Variants in CCR5AS observed in about 807,000 individuals in gnomAD.
CCR5AS encodes CCR5 antisense RNA.
At chr3:46,390,180 T>A (rs1430030385) in intron 2 of CCR5AS, among the ~76,000 whole-genome samples, 1 of 152,080 alleles carries the variant, frequency 6.6e-6, no homozygotes, top group East Asian at 1.9e-4. Context: ...GACTGGTGGG[T>A]GTCAGAGTCA....
chr3:46,395,847 G>C (rs1422074579), intron 1 of CCR5AS, among the ~76,000 whole-genome samples: 1 of 152,148 alleles, frequency 6.6e-6, no homozygotes, highest in Non-Finnish European at 1.5e-5. Flanking sequence ...ATAGGGAAGG[G>C]GCCCTTTCCA....
intron 2 of CCR5AS, among the ~76,000 whole-genome samples, chr3:46,390,830 C>T (rs750772531): frequency 1.3e-5 from 2 of 152,022 alleles, no homozygotes; most frequent in South Asian, 2.1e-4. Context: ...GAGTTTTAAG[C>T]GGTTTAGAAG....
At chr3:46,400,635 G>A (rs997488009) in intron 1 of CCR5AS, among the ~76,000 whole-genome samples, 1 of 152,204 alleles carries the variant, frequency 6.6e-6, no homozygotes, top group Non-Finnish European at 1.5e-5. Context: ...TGAAACCGAA[G>A]GCCAGGGAGT....
intron 1 of CCR5AS, among the ~76,000 whole-genome samples, chr3:46,404,677 A>T (rs1702031372): frequency 6.6e-6 from 1 of 152,028 alleles, no homozygotes; most frequent in South Asian, 2.1e-4. Flanking sequence ...TTAAAATGTG[A>T]TCCCTGAGCC....
intron 1 of CCR5AS, among the ~76,000 whole-genome samples, chr3:46,406,219 G>T (rs1446502376): frequency 6.6e-6 from 1 of 152,056 alleles, no homozygotes; most frequent in Non-Finnish European, 1.5e-5. Flanking sequence ...TACAAATTTT[G>T]TATTCAATCC....
At chr3:46,397,562 G>T (rs938261513) in intron 1 of CCR5AS, among the ~76,000 whole-genome samples, 20 of 152,216 alleles carry the variant, frequency 1.3e-4, no homozygotes, top group African/African-American at 4.8e-4. Context: ...GGAGCTGCCT[G>T]ACAAGAGCTG....
intron 2 of CCR5AS, chr3:46,375,489 T>G (rs1295058165): frequency 6.0e-6 from 1 of 166,992 alleles, no homozygotes; most frequent in Non-Finnish European, 1.5e-5. Context: ...GAGGGAAGCC[T>G]GAAAAACTAA....
chr3:46,372,763 A>T, intron 2 of CCR5AS: 1 of 639,154 alleles, frequency 1.6e-6, no homozygotes, highest in East Asian at 2.7e-5. Context: ...CCAAAAAGAG[A>T]GTTAATTCAA....
chr3:46,388,710 T>C (rs918504660), intron 2 of CCR5AS, among the ~76,000 whole-genome samples: 5 of 152,088 alleles, frequency 3.3e-5, no homozygotes, highest in Non-Finnish European at 5.9e-5. Context: ...AAGGAAGCAA[T>C]TGTTTGTTAA....
chr3:46,383,683 G>A (rs192186063), intron 2 of CCR5AS, among the ~76,000 whole-genome samples: 5 of 152,224 alleles, frequency 3.3e-5, no homozygotes, highest in African/African-American at 9.6e-5. Flanking sequence ...CCTCTGAGAA[G>A]GAGAGGAAAC....
At chr3:46,377,919 A>T (rs1231818858) in intron 2 of CCR5AS, among the ~76,000 whole-genome samples, 3 of 152,028 alleles carry the variant, frequency 2.0e-5, no homozygotes, top group African/African-American at 7.2e-5. Context: ...ATTAGCCAGG[A>T]TGCTCTCGAT....
chr3:46,404,880 T>C (rs1702032330), intron 1 of CCR5AS, among the ~76,000 whole-genome samples: 1 of 138,966 alleles, frequency 7.2e-6, no homozygotes, highest in South Asian at 2.3e-4. Flanking sequence ...ATAATTGAAT[T>C]AAGTAAATGA....
At chr3:46,391,327 A>T (rs1701911700) in intron 2 of CCR5AS, among the ~76,000 whole-genome samples, 1 of 152,190 alleles carries the variant, frequency 6.6e-6, no homozygotes, top group South Asian at 2.1e-4. Flanking sequence ...CAACTCAGAA[A>T]TATGTTGTCA....
intron 1 of CCR5AS, among the ~76,000 whole-genome samples, chr3:46,400,119 G>A (rs539016405): frequency 2.6e-5 from 4 of 151,952 alleles, no homozygotes; most frequent in Admixed American, 1.3e-4. Flanking sequence ...CCAGCCTCCC[G>A]GGCCTGGGAC....
intron 2 of CCR5AS, chr3:46,373,724 G>A (rs766874061): frequency 3.7e-6 from 6 of 1,613,918 alleles, no homozygotes; most frequent in Non-Finnish European, 4.2e-6. Context: ...GCTCTAACAG[G>A]TTGGACCAAG....
intron 2 of CCR5AS, among the ~76,000 whole-genome samples, chr3:46,378,003 C>T (rs766291182): frequency 1.2e-4 from 18 of 152,176 alleles, no homozygotes; most frequent in African/African-American, 2.9e-4. Context: ...CCACTGTGCC[C>T]GGCCAACAAA....
chr3:46,400,672 C>T (rs1463892160), intron 1 of CCR5AS, among the ~76,000 whole-genome samples: 1 of 152,116 alleles, frequency 6.6e-6, no homozygotes. Flanking sequence ...GACTTGGGCA[C>T]CAGATGGGGG....
chr3:46,365,461 G>A (rs1701590884), intron 3 of CCR5AS, among the ~76,000 whole-genome samples: 1 of 152,216 alleles, frequency 6.6e-6, no homozygotes. Flanking sequence ...ATACTTAATA[G>A]ACTACAGTAT....
chr3:46,396,291 T>C (rs1382429064), intron 1 of CCR5AS, among the ~76,000 whole-genome samples: 2 of 152,004 alleles, frequency 1.3e-5, no homozygotes, highest in East Asian at 3.9e-4. Context: ...CCAATGATGA[T>C]GGATGAGTCC....
Sources: gnomAD v4.1 joint callset for allele counts (sites outside exome capture counted in the v4.1 genomes callset) on GRCh38, gnomAD v4.1.1 for gene constraint, MANE v1.5 for transcripts, NCBI Gene and HGNC (gene_info 2026-07-23, HGNC 2026-07-21) for gene names.